ZNF430: variants seen among roughly 807,000 people sequenced by gnomAD.
The protein encoded by ZNF430 is zinc finger protein 430.
A neutral mutation model predicts 56.7 loss-of-function variants in ZNF430; 35 were observed. The observed-to-expected ratio is 0.62, with a 90% CI of 0.47 to 0.82. The LOEUF is 0.82. ZNF430 is among the 40% of genes least tolerant of loss of function. ZNF430 has a pLI of 0.00. For synonymous variants in ZNF430, 212 were observed against 224.3 expected, an observed-to-expected ratio of 0.94 and a Z score of 0.49; for missense variants, 574 against 661.0, an observed-to-expected ratio of 0.87 and a Z score of 1.44.
chr19:21,022,813 C>G lies in ZNF430; in HGVS notation c.28C>G (p.Pro10Ala). Residue 10 changes from proline to alanine, a missense_variant, in exon 2 of 5, where the codon CCT (proline) becomes GCT (alanine). By Grantham distance (27) the Pro-to-Ala change is conservative. Transcript: ENST00000261560. ...GGAGAACCTGAAGTCTGGAGTGTAT[C>G]CTCTCAAGGAAGCAAGTGGATGCCC... The part of the protein sequence containing the change: MENLKSGVY[P>A]LKEASGCPGA... 6.2e-7 allele frequency: 1 copy of G among 1,613,598 alleles called. No homozygotes were observed. Among genetic ancestry groups the G allele is most frequent in the Non-Finnish European group, 8.5e-7 (1 of 1,179,620 alleles).
At chr19:21,028,621 G>T (rs146167321) in intron 2 of ZNF430, among the ~76,000 whole-genome samples, 3 of 152,304 alleles carry the variant, frequency 2.0e-5, no homozygotes, top group African/African-American at 7.2e-5. Context: ...TGACAAGAGT[G>T]GTTAATTCTG....
At chr19:21,033,316 AATT>A in intron 2 of ZNF430, 137 bp from the exon 3 acceptor site, 1 of 1,236,902 alleles carries the variant, frequency 8.1e-7, no homozygotes, top group African/African-American at 1.6e-5. Context: ...AAAAAAAAAA[AATT>A]ATTGGATAAT....
At chr19:21,050,153 G>C (rs950854895) in intron 4 of ZNF430, among the ~76,000 whole-genome samples, 1 of 151,402 alleles carries the variant, frequency 6.6e-6, no homozygotes, top group African/African-American at 2.4e-5. Flanking sequence ...CAAAGTGCTG[G>C]GATTACAGGC....
intron 4 of ZNF430, among the ~76,000 whole-genome samples, chr19:21,039,615 C>T (rs1004324622): frequency 2.0e-5 from 3 of 151,682 alleles, no homozygotes; most frequent in Admixed American, 1.3e-4. Flanking sequence ...TACAGGCACC[C>T]ACCATTATGC....
intron 4 of ZNF430, among the ~76,000 whole-genome samples, chr19:21,051,779 G>A (rs1343305617): frequency 2.0e-5 from 3 of 152,190 alleles, no homozygotes; most frequent in Non-Finnish European, 2.9e-5. Context: ...GTGAGCCACT[G>A]CACCCAGCCT....
chr19:21,021,391 T>TGG (rs1967679772), intron 1 of ZNF430, among the ~76,000 whole-genome samples: 1 of 151,794 alleles, frequency 6.6e-6, no homozygotes, highest in Non-Finnish European at 1.5e-5. Context: ...CCCAGCTACT[T>TGG]GGGAGACTGA....
chr19:21,040,578 A>G (rs1011804825), intron 4 of ZNF430, among the ~76,000 whole-genome samples: 1 of 152,192 alleles, frequency 6.6e-6, no homozygotes, highest in African/African-American at 2.4e-5. Context: ...CACACTTCTT[A>G]TACAGTCTGC....
intron 2 of ZNF430, among the ~76,000 whole-genome samples, chr19:21,023,851 C>T (rs1393453343): frequency 6.6e-6 from 1 of 151,984 alleles, no homozygotes; most frequent in East Asian, 1.9e-4. Context: ...TCCCATATGA[C>T]TAACTGTTTA....
chr19:21,052,819 G>A (rs1316781091), intron 4 of ZNF430, among the ~76,000 whole-genome samples: 1 of 152,134 alleles, frequency 6.6e-6, no homozygotes, highest in East Asian at 1.9e-4. Context: ...CCCAAAGAAT[G>A]GACTCAGGGA....
intron 4 of ZNF430, chr19:21,053,308 C>A (rs12610099): frequency 6.6e-6 from 1 of 151,876 alleles, no homozygotes; most frequent in East Asian, 1.9e-4. Context: ...TCTTTATTTC[C>A]ATGTAACCTG....
chr19:21,022,216 C>T (rs1407779182), intron 1 of ZNF430, among the ~76,000 whole-genome samples: 2 of 152,094 alleles, frequency 1.3e-5, no homozygotes, highest in Non-Finnish European at 2.9e-5. Flanking sequence ...ATTATTTTCA[C>T]ACTCCACGGG....
At chr19:21,043,833 G>A (rs1057475153) in intron 4 of ZNF430, among the ~76,000 whole-genome samples, 2 of 151,660 alleles carry the variant, frequency 1.3e-5, no homozygotes, top group Non-Finnish European at 2.9e-5. Context: ...GTATTCCTAG[G>A]TATTTTATTC....
At position 21,022,130 on chromosome 19, in the gene ZNF430, G is replaced by A. The variant is rs151336417; in HGVS notation, c.4-659G>A. ...TGGGATTACAGGCGTGAGCTATCAC[G>A]CCCAGCCACGTTAGATCTTTTTAAA... On this transcript the variant is annotated intron_variant, in intron 1 of 4. Transcript: ENST00000261560. Among the ~76,000 whole-genome samples the A allele has an allele frequency of 5.9e-4, 90 of 152,140 alleles. 1 individual carries two copies. The highest frequency in any genetic ancestry group is 3.9e-3 in the Admixed American group (60 of 15,264).
At chr19:21,056,532 C>G in intron 4 of ZNF430, 99 bp from the exon 5 acceptor site, 10 of 838,742 alleles carry the variant, frequency 1.2e-5, no homozygotes, top group Non-Finnish European at 1.7e-5. Context: ...GCTATGCCAT[C>G]TTGTTTATGT....
intron 4 of ZNF430, among the ~76,000 whole-genome samples, chr19:21,055,634 A>G (rs1336876132): frequency 6.6e-6 from 1 of 151,962 alleles, no homozygotes; most frequent in East Asian, 1.9e-4. Context: ...TTGTTTTTTT[A>G]GTAGAGATGG....
intron 4 of ZNF430, among the ~76,000 whole-genome samples, chr19:21,055,297 C>CTT (rs1968355456): frequency 6.6e-6 from 1 of 152,104 alleles, no homozygotes; most frequent in African/African-American, 2.4e-5. Flanking sequence ...TATAATGTAG[C>CTT]TTTGTCCTGG....
intron 4 of ZNF430, among the ~76,000 whole-genome samples, chr19:21,048,224 T>G (rs1442544635): frequency 7.9e-6 from 1 of 127,378 alleles, no homozygotes; most frequent in Non-Finnish European, 1.6e-5. Flanking sequence ...CCTGGGTGTT[T>G]CTCGCAGAGG....
chr19:21,047,446 T>C (rs1238091074), intron 4 of ZNF430, among the ~76,000 whole-genome samples: 1 of 152,114 alleles, frequency 6.6e-6, no homozygotes, highest in African/African-American at 2.4e-5. Flanking sequence ...CATTTTTTGG[T>C]TTATTCTTTT....
chr19:21,054,434 A>AT (rs1349290021), intron 4 of ZNF430, among the ~76,000 whole-genome samples: 2 of 150,678 alleles, frequency 1.3e-5, no homozygotes, highest in Non-Finnish European at 3.0e-5. Context: ...CTTGATAGCT[A>AT]TTTTTTTCAG....
Sources: gnomAD v4.1 joint callset for allele counts (sites outside exome capture counted in the v4.1 genomes callset) on GRCh38, gnomAD v4.1.1 for gene constraint, MANE v1.5 for transcripts, NCBI Gene and HGNC (gene_info 2026-07-23, HGNC 2026-07-21) for gene names.